RNF175: variants seen among roughly 807,000 people sequenced by gnomAD.
RNF175 encodes the protein ring finger protein 175.
Under a neutral mutation model 50.0 loss-of-function variants are expected in RNF175, and 38 were observed. That is an observed-to-expected ratio of 0.76 (90% CI 0.59 to 1.00). The LOEUF (loss-of-function observed/expected upper bound fraction) is 1.00, where lower values mean the gene tolerates loss of function less well. Ranked by LOEUF, RNF175 falls within the 50% of genes least tolerant of loss-of-function variation. RNF175 has a pLI of 0.00. For missense variants in RNF175, 388 were observed against 409.6 expected (o/e 0.95, Z 0.46); for synonymous variants, 155 against 146.1 (o/e 1.06, Z -0.44).
intron 3 of RNF175, among the ~76,000 whole-genome samples, chr4:153,732,536 G>A (rs949181772): frequency 6.6e-6 from 1 of 152,186 alleles, no homozygotes; most frequent in Non-Finnish European, 1.5e-5. Flanking sequence ...TAGGCAGGAA[G>A]GTTGATTTAA....
chr4:153,715,907 C>G (rs1737887440), intron 6 of RNF175, among the ~76,000 whole-genome samples: 1 of 151,556 alleles, frequency 6.6e-6, no homozygotes, highest in African/African-American at 2.4e-5. Flanking sequence ...ACTAAAAATA[C>G]AAAAAAATTA....
chr4:153,711,454 A>G (rs72954767), intron 8 of RNF175, among the ~76,000 whole-genome samples: 10,316 of 152,154 alleles, frequency 0.068, 774 homozygotes, highest in East Asian at 0.23. Flanking sequence ...CCCTCCTTGA[A>G]TCCCTCCCTG....
chr4:153,712,660 G>C (rs1485953015), intron 7 of RNF175, 84 bp from the exon 8 acceptor site: 28 of 881,918 alleles, frequency 3.2e-5, no homozygotes, highest in South Asian at 2.8e-4. Flanking sequence ...CATCTTCAGG[G>C]TCTAGTGGTG....
intron 3 of RNF175, among the ~76,000 whole-genome samples, chr4:153,734,971 T>C (rs913852683): frequency 1.3e-5 from 2 of 152,084 alleles, no homozygotes; most frequent in Non-Finnish European, 2.9e-5. Context: ...CCACCATGCC[T>C]GGCCTCATTC....
Position 153,759,846 on chromosome 4 carries a change from G to T in RNF175, c.17C>A (p.Ala6Glu). 6.9e-7 allele frequency: 1 copy of T among 1,459,264 alleles called. No homozygotes were observed. The allele number at this position is 1,459,264 out of a possible 1,614,324, so 90.4% of individuals were successfully genotyped here. Residue 6 changes from alanine (A) to glutamate (E), a missense_variant, in exon 1 of 9, where the codon GCG becomes GAG. Physicochemically the swap from Ala to Glu is moderately radical, Grantham distance 107. Coordinates refer to ENST00000347063, the MANE Select transcript of RNF175 (RefSeq NM_173662.4). ...CAGCACCGGCGCTGCCTTCCGCGCC[G>T]CCGTCCCCGCGGCCATGCCTGAGCC... MAAGTAARKAAPVLEA... is the reference protein window; with the variant it reads MAAGTEARKAAPVLEA...
intron 7 of RNF175, 31 bp from the exon 8 acceptor site, chr4:153,712,607 T>C (rs745905349): frequency 1.1e-5 from 16 of 1,412,674 alleles, no homozygotes; most frequent in Non-Finnish European, 1.6e-5. Context: ...GGCTTCTAGA[T>C]ATGAAAAGGC....
chr4:153,734,956 T>G lies in RNF175; in HGVS notation c.247-6595A>C, dbSNP rs927158123. Among the ~76,000 whole-genome samples, 8 of 152,140 alleles carry G rather than the reference T, an allele frequency of 5.3e-5. No individual in the cohort carries two copies. In the East Asian group the frequency reaches 5.8e-4, roughly 11 times the overall value. On this transcript the variant is annotated intron_variant, in intron 3 of 8. Transcript: ENST00000347063. ...CTCCCAAAGTGCAGGGATTACAGGC[T>G]TGAGCCACCATGCCTGGCCTCATTC...
intron 3 of RNF175, among the ~76,000 whole-genome samples, chr4:153,731,099 C>T (rs1461573490): frequency 6.6e-6 from 1 of 152,086 alleles, no homozygotes; most frequent in East Asian, 1.9e-4. Context: ...CATATTTTCT[C>T]AATATATGAA....
At chr4:153,737,056 A>C (rs1273735075) in intron 3 of RNF175, among the ~76,000 whole-genome samples, 1 of 152,120 alleles carries the variant, frequency 6.6e-6, no homozygotes, top group Non-Finnish European at 1.5e-5. Context: ...ATGGGGTCTC[A>C]TTATGTTGCC....
At chr4:153,717,990 T>C (rs1182487681) in intron 6 of RNF175, among the ~76,000 whole-genome samples, 1 of 152,142 alleles carries the variant, frequency 6.6e-6, no homozygotes, top group Non-Finnish European at 1.5e-5. Context: ...CCACTCTACA[T>C]TTCCTGTGCT....
chr4:153,729,990 T>C (rs978465617), intron 3 of RNF175, among the ~76,000 whole-genome samples: 5 of 152,160 alleles, frequency 3.3e-5, no homozygotes, highest in Admixed American at 3.3e-4. Context: ...CTTTATGTAA[T>C]TGAGATAAAT....
intron 5 of RNF175, 70 bp from the exon 6 acceptor site, chr4:153,720,374 T>C: frequency 7.3e-7 from 1 of 1,371,510 alleles, no homozygotes; most frequent in Non-Finnish European, 1.0e-6. Flanking sequence ...TTGGAAAATA[T>C]TTCCTGTTGA....
intron 4 of RNF175, among the ~76,000 whole-genome samples, chr4:153,724,406 A>T (rs1230437720): frequency 6.6e-6 from 1 of 152,228 alleles, no homozygotes. Context: ...AAGAAAATGA[A>T]GAGGTGGCTA....
intron 3 of RNF175, among the ~76,000 whole-genome samples, chr4:153,744,927 A>G (rs1269188599): frequency 1.3e-5 from 2 of 152,228 alleles, no homozygotes; most frequent in African/African-American, 2.4e-5. Flanking sequence ...GAAAATGTTC[A>G]AAATTGCCTA....
At chr4:153,731,599 T>C (rs1031078580) in intron 3 of RNF175, among the ~76,000 whole-genome samples, 3 of 151,568 alleles carry the variant, frequency 2.0e-5, no homozygotes, top group African/African-American at 7.3e-5. Flanking sequence ...ATACCTTTCA[T>C]TTGGCTAATT....
At chr4:153,712,796 G>C (rs1014414209) in intron 7 of RNF175, among the ~76,000 whole-genome samples, 1 of 151,946 alleles carries the variant, frequency 6.6e-6, no homozygotes, top group African/African-American at 2.4e-5. Flanking sequence ...TTAGCTTCTT[G>C]GCCTTCTTGC....
chr4:153,719,468 G>T (rs562013553), intron 6 of RNF175, among the ~76,000 whole-genome samples: 2 of 152,136 alleles, frequency 1.3e-5, no homozygotes, highest in South Asian at 4.1e-4. Context: ...AAACTACTAA[G>T]TCATCCCTAG....
intron 3 of RNF175, 53 bp from the exon 4 acceptor site, chr4:153,728,414 C>A: frequency 6.8e-7 from 1 of 1,472,230 alleles, no homozygotes. Flanking sequence ...GCCTGAATGG[C>A]ATCTCCACTA....
chr4:153,737,710 A>G (rs1739423570), intron 3 of RNF175, among the ~76,000 whole-genome samples: 1 of 152,140 alleles, frequency 6.6e-6, no homozygotes, highest in African/African-American at 2.4e-5. Context: ...GGAGTGTTTT[A>G]TGGCTCAGAA....
Sources: allele counts gnomAD v4.1 joint callset (sites outside exome capture counted in the v4.1 genomes callset), GRCh38; gene constraint gnomAD v4.1.1; transcripts MANE v1.5; gene names NCBI Gene and HGNC (gene_info 2026-07-23, HGNC 2026-07-21).